EP400: variants seen among roughly 807,000 people sequenced by gnomAD.
EP400 encodes the protein E1A binding protein p400.
EP400 carries 105 observed loss-of-function variants against 354.1 expected under a neutral mutation model. The ratio of observed to expected loss-of-function variants is 0.30; its 90% CI spans 0.25 to 0.35. The LOEUF (loss-of-function observed/expected upper bound fraction) is 0.35, where lower values mean the gene tolerates loss of function less well. Among genes scored for constraint, EP400 ranks in the 10% least tolerant of loss-of-function variants. The probability of loss-of-function intolerance (pLI) is 1.00; values close to 1 mark genes in which losing one functional copy is unlikely to be tolerated. For synonymous variants in EP400, 1,646 were observed against 1,716.9 expected, an observed-to-expected ratio of 0.96 and a Z score of 1.02; for missense variants, 3,280 against 4,121.0, an observed-to-expected ratio of 0.80 and a Z score of 5.59.
chr12:132,057,255 G>C (rs554070809), intron 45 of EP400, among the ~76,000 whole-genome samples: 2 of 152,298 alleles, frequency 1.3e-5, no homozygotes, highest in East Asian at 3.9e-4. Context: ...AAAGAAAACA[G>C]CCTAAATGCC....
intron 30 of EP400, among the ~76,000 whole-genome samples, chr12:132,036,417 C>G (rs1415533176): frequency 2.0e-5 from 3 of 152,054 alleles, no homozygotes; most frequent in African/African-American, 7.2e-5. Context: ...ACAACACACC[C>G]AGGTTCACAT....
In EP400 at chr12:131,956,671, T is replaced by C. The variant is rs560655275; in HGVS notation, c.-35-3914T>C. ...TTCTGAACCCATTTGAAATCTTTTC[T>C]ACACCTTCCCAAATTGCTTCTGTAA... On this transcript the variant is annotated intron_variant, in intron 1 of 52. Transcript: ENST00000389561. Among the ~76,000 whole-genome samples the C allele has an allele frequency of 6.6e-5, 10 of 152,314 alleles. No homozygotes were observed. The East Asian group carries it at 1.9e-3, about 29-fold the overall frequency.
rs1448597969 is a variant in EP400, at chr12:132,067,751, A to G, written c.8874+265A>G. Reference sequence around the variant, plus strand: ...TAGTCTGTGAGGATGGCTGGGTGCCAGGTAAGAAGCCTGCATGGCATTGGG... The same window carrying G: ...TAGTCTGTGAGGATGGCTGGGTGCCGGGTAAGAAGCCTGCATGGCATTGGG... On this transcript the variant is annotated intron_variant, in intron 50 of 52. Transcript: ENST00000389561. This position sits in a 1 kb window ranked among gnomAD's most constrained non-coding sequence, Gnocchi z 5.3. 4.0e-5 allele frequency among the ~76,000 whole-genome samples: 6 copies of G among 151,516 alleles called. No homozygotes were observed. In the South Asian group the frequency reaches 6.3e-4, roughly 16 times the overall value.
intron 7 of EP400, among the ~76,000 whole-genome samples, chr12:131,988,524 C>A (rs532889851): frequency 1.7e-4 from 26 of 152,194 alleles, no homozygotes; most frequent in African/African-American, 3.1e-4. Context: ...GGCCACACGG[C>A]CTCCTGCCCT....
At chr12:131,987,155 T>A (rs544615352) in intron 6 of EP400, among the ~76,000 whole-genome samples, 16 of 152,288 alleles carry the variant, frequency 1.1e-4, no homozygotes, top group African/African-American at 3.6e-4. Context: ...TGCAGCCCTG[T>A]GTTTGAGAGT....
At chr12:132,024,348 G>A (rs1213977283) in intron 24 of EP400, among the ~76,000 whole-genome samples, 1 of 152,146 alleles carries the variant, frequency 6.6e-6, no homozygotes, top group Non-Finnish European at 1.5e-5. Context: ...ACTCCAGCCT[G>A]GGTCACAGAC....
chr12:132,007,490 T>G lies in EP400; in HGVS notation c.3304+613T>G, dbSNP rs574708858. ...GCTTGTGTAGGCCCTCTGGCCTCCTTTCCAGTCTTTAGAGTCAGCTCCTTG... is the reference window on the plus strand; with the variant it reads ...GCTTGTGTAGGCCCTCTGGCCTCCTGTCCAGTCTTTAGAGTCAGCTCCTTG... On this transcript the variant is annotated intron_variant, in intron 15 of 52. Coordinates refer to ENST00000389561, the MANE Select transcript of EP400 (RefSeq NM_015409.5). Among the ~76,000 whole-genome samples the G allele has an allele frequency of 2.1e-4, 32 of 151,596 alleles. No individual in the cohort carries two copies. In the South Asian group the frequency reaches 6.2e-3, roughly 29 times the overall value.
chr12:131,972,800 C>T (rs1370174221), intron 2 of EP400, among the ~76,000 whole-genome samples: 4 of 142,066 alleles, frequency 2.8e-5, no homozygotes, highest in African/African-American at 5.4e-5. Context: ...GGCGCGATCT[C>T]GACTCACTAC....
In EP400 at chr12:132,038,150, A is replaced by G; in HGVS notation, c.6207+54A>G. 1.9e-6 allele frequency: 3 copies of G among 1,605,394 alleles called. No homozygotes were observed. Among genetic ancestry groups the G allele is most frequent in the Non-Finnish European group, 1.7e-6 (2 of 1,174,636 alleles). On this transcript the variant is annotated intron_variant, in intron 32 of 52. Coordinates refer to ENST00000389561, the MANE Select transcript of EP400 (RefSeq NM_015409.5). This position sits in a 1 kb window ranked among gnomAD's most constrained non-coding sequence, Gnocchi z 4.2. Reference sequence around the variant, plus strand: ...GTTGCACGGTGGGAGCCGGCGGAACACCTGCACCCTCCCCCAGGGTTCTGG... The same window carrying G: ...GTTGCACGGTGGGAGCCGGCGGAACGCCTGCACCCTCCCCCAGGGTTCTGG...
Position 132,006,224 on chromosome 12 carries a change from A to G in EP400, c.3048A>G (p.Pro1016=), listed in dbSNP as rs142389967. Residue 1016 remains proline (P), a synonymous_variant, in exon 14 of 53, where the codon CCA becomes CCG. Transcript: ENST00000389561. ...KAAERMNIGK[P]NAKDIADVTA... ...CCGAGAGGATGAATATCGGGAAGCC[A>G]AACGCCAAGGACATTGCGGACGTCA... The G allele has an allele frequency of 6.2e-7, 1 of 1,614,254 alleles. No homozygotes were observed. Among genetic ancestry groups the G allele is most frequent in the Non-Finnish European group, 8.5e-7 (1 of 1,180,052 alleles).
Position 131,999,125 on chromosome 12 carries a change from T to C in EP400, c.2827+4169T>C, listed in dbSNP as rs536929873. On this transcript the variant is annotated intron_variant, in intron 12 of 52. Transcript: ENST00000389561. ...AAAGGCAGATTATTAGAGTTTTGAG[T>C]CATAACTGCATGGTTCAAACCTAAT... Among the ~76,000 whole-genome samples, 20 of 151,956 alleles carry C rather than the reference T, an allele frequency of 1.3e-4. 1 individual carries two copies. The East Asian group carries it at 3.9e-3, about 30-fold the overall frequency.
At chr12:132,023,415 C>G (rs1296472171) in intron 23 of EP400, among the ~76,000 whole-genome samples, 1 of 151,132 alleles carries the variant, frequency 6.6e-6, no homozygotes, top group Admixed American at 6.6e-5. Context: ...CTCAGCCTCC[C>G]AAAGTGCTGG....
In EP400 at chr12:131,987,404, C is replaced by T. The variant is rs373235240; in HGVS notation, c.2224-301C>T. ...CATCCTATGGTTTCCCATGTAAACA[C>T]TTTGGTAGAAACATGAGGTTTTAAA... On this transcript the variant is annotated intron_variant, in intron 6 of 52. Coordinates refer to ENST00000389561, the MANE Select transcript of EP400 (RefSeq NM_015409.5). Among the ~76,000 whole-genome samples, 11 of 152,202 alleles carry T rather than the reference C, an allele frequency of 7.2e-5. No individual in the cohort carries two copies. The East Asian group carries it at 1.2e-3, about 16-fold the overall frequency.
At chr12:132,053,077 T>C in intron 41 of EP400, 69 bp from the exon 42 acceptor site, 3 of 1,532,370 alleles carry the variant, frequency 2.0e-6, no homozygotes, top group Non-Finnish European at 1.8e-6. Context: ...ATGGTGTTTC[T>C]AGGGTACGTG....
rs1894429434 is a variant in EP400, at chr12:132,029,849, A to G, written c.5530A>G (p.Thr1844Ala). The G allele has an allele frequency of 6.2e-7, 1 of 1,612,936 alleles. No individual in the cohort carries two copies. The highest frequency in any genetic ancestry group is 8.5e-7 in the Non-Finnish European group (1 of 1,180,022). The part of the protein sequence containing the change: ...APYFQQLRQT[T>A]APRLLQFPEL... ...GTACTTCCAGCAGCTGCGGCAGACC[A>G]CGGCTCCACGCCTGCTGCAGTTCCC... The change falls in exon 28 of 53, where the codon ACG becomes GCG. Residue 1844 changes from threonine to alanine, a missense_variant. Transcript: ENST00000389561. This position sits in a 1 kb window ranked among gnomAD's most constrained non-coding sequence, Gnocchi z 4.7.
Position 132,047,564 on chromosome 12 carries a change from G to A in EP400, c.7200+1664G>A, listed in dbSNP as rs550036715. Among the ~76,000 whole-genome samples, 15 of 152,348 alleles carry A rather than the reference G, an allele frequency of 9.8e-5. No individual in the cohort carries two copies. The South Asian group carries it at 3.1e-3, about 32-fold the overall frequency. On this transcript the variant is annotated intron_variant, in intron 39 of 52. Coordinates refer to ENST00000389561, the MANE Select transcript of EP400 (RefSeq NM_015409.5). ...GAGTGATTTCAAAAGGGGAGGGAGTGTATGAATAGGGTGTGGGTCACAGAG... is the reference window on the plus strand; with the variant it reads ...GAGTGATTTCAAAAGGGGAGGGAGTATATGAATAGGGTGTGGGTCACAGAG...
chr12:132,038,236 TC>T lies in EP400; in HGVS notation c.6207+144del, dbSNP rs2136568044. 1.9e-6 allele frequency: 2 copies of T among 1,029,732 alleles called. No homozygotes were observed. The highest frequency in any genetic ancestry group is 1.6e-5 in the African/African-American group (1 of 61,866). The allele number at this position is 1,029,732 out of a possible 1,614,324, so 63.8% of individuals were successfully genotyped here. A position where few individuals can be genotyped will look rare whatever the true frequency, so the allele number is the denominator to read the frequency against. On this transcript the variant is annotated intron_variant, in intron 32 of 52. Transcript: ENST00000389561. The surrounding 1 kb of genome is among the most constrained non-coding windows in gnomAD (Gnocchi z 4.2). ...TCTTCCCGTCCCTGCTTTTGGAACC[TC>T]CCCACTCCCTTCTTTCTGTCATGGG... is the stretch of plus-strand genomic sequence containing the variant.
At chr12:132,042,864 C>T (rs1455601768) in intron 32 of EP400, among the ~76,000 whole-genome samples, 2 of 152,206 alleles carry the variant, frequency 1.3e-5, no homozygotes, top group East Asian at 1.9e-4. Context: ...GCTGCTGTAA[C>T]GTTGGGCTGT....
intron 32 of EP400, among the ~76,000 whole-genome samples, chr12:132,041,134 C>T (rs540994252): frequency 7.2e-5 from 11 of 152,304 alleles, no homozygotes; most frequent in African/African-American, 1.2e-4. Context: ...CTTTTGCCAG[C>T]GGAGACAGAT....
Sources: allele counts gnomAD v4.1 joint callset (sites outside exome capture counted in the v4.1 genomes callset), GRCh38; gene constraint gnomAD v4.1.1; non-coding constraint Gnocchi (gnomAD v3.1); transcripts MANE v1.5; gene names NCBI Gene and HGNC (gene_info 2026-07-23, HGNC 2026-07-21).